ACAP2: variants seen among roughly 807,000 people sequenced by gnomAD.
ACAP2 encodes the protein arf-GAP with coiled-coil, ANK repeat and PH domain-containing protein 2.
A neutral mutation model predicts 115.8 loss-of-function variants in ACAP2; 39 were observed. The ratio of observed to expected loss-of-function variants is 0.34; its 90% CI spans 0.26 to 0.44. ACAP2 has a LOEUF of 0.44. Ranked by LOEUF, ACAP2 falls within the 20% of genes least tolerant of loss-of-function variation. The pLI is 1.00. For synonymous variants in ACAP2, 289 were observed against 315.8 expected (o/e 0.92, Z 0.90); for missense variants, 662 against 927.6 (o/e 0.71, Z 3.72).
At position 195,423,751 on chromosome 3, in the gene ACAP2, T is replaced by C. The variant is rs1225527487; in HGVS notation, c.53+19044A>G. Among the ~76,000 whole-genome samples the C allele has an allele frequency of 1.4e-4, 21 of 152,032 alleles. No homozygotes were observed. In the East Asian group the frequency reaches 3.1e-3, roughly 22 times the overall value. On this transcript the variant is annotated intron_variant, in intron 1 of 22. Transcript: ENST00000326793. ...TAAACAATATGTAAATAAATAAGCATGGCTATATTCCAATAAAACTTTATT... is the reference window on the plus strand; with the variant it reads ...TAAACAATATGTAAATAAATAAGCACGGCTATATTCCAATAAAACTTTATT...
At chr3:195,390,485 CTATT>C (rs1306753672) in intron 2 of ACAP2, among the ~76,000 whole-genome samples, 3 of 152,224 alleles carry the variant, frequency 2.0e-5, no homozygotes, top group Admixed American at 1.3e-4. Flanking sequence ...AGTTTCTAGA[CTATT>C]TATATTATAT....
intron 4 of ACAP2, among the ~76,000 whole-genome samples, chr3:195,368,499 C>G (rs2108719883): frequency 1.3e-5 from 2 of 152,244 alleles, no homozygotes; most frequent in Middle Eastern, 3.4e-3. Context: ...TATATTAATT[C>G]TTCCTCCTGC....
intron 1 of ACAP2, among the ~76,000 whole-genome samples, chr3:195,418,389 C>G (rs823312): frequency 0.17 from 25,797 of 152,094 alleles, 2,429 homozygotes; most frequent in Admixed American, 0.28. Flanking sequence ...ACCATTAAAG[C>G]TGCAAAACCT....
chr3:195,424,229 TGTGTGTGTGTGTGTG>T (rs1424960517), intron 1 of ACAP2, among the ~76,000 whole-genome samples: 3 of 115,306 alleles, frequency 2.6e-5, no homozygotes, highest in African/African-American at 7.0e-5. Flanking sequence ...GTCATATGTG[TGTGTGTGTGTGTGTG>T]GTGTGTGTGT....
At chr3:195,347,076 T>A (rs762364252) in intron 4 of ACAP2, among the ~76,000 whole-genome samples, 1 of 151,976 alleles carries the variant, frequency 6.6e-6, no homozygotes, top group Non-Finnish European at 1.5e-5. Context: ...TCAAAACCCA[T>A]GAAGTTATAT....
chr3:195,409,861 G>A (rs1178604134), intron 1 of ACAP2, among the ~76,000 whole-genome samples: 2 of 112,300 alleles, frequency 1.8e-5, no homozygotes, highest in African/African-American at 6.9e-5. Context: ...GGGTAACAGA[G>A]TGAGTGAGAC....
chr3:195,288,028 G>A (rs1726961380), intron 21 of ACAP2, among the ~76,000 whole-genome samples: 2 of 152,070 alleles, frequency 1.3e-5, no homozygotes, highest in Non-Finnish European at 2.9e-5. Context: ...TTGAACCCGG[G>A]AGGCAGAGGT....
intron 10 of ACAP2, among the ~76,000 whole-genome samples, chr3:195,317,330 ATTTAC>A (rs896950638): frequency 5.8e-4 from 89 of 152,352 alleles, no homozygotes; most frequent in Admixed American, 4.3e-3. Flanking sequence ...AGGAAATTAT[ATTTAC>A]TTTACTAATG....
intron 1 of ACAP2, among the ~76,000 whole-genome samples, chr3:195,420,788 A>ATC: frequency 6.6e-6 from 1 of 151,982 alleles, no homozygotes; most frequent in Non-Finnish European, 1.5e-5. Flanking sequence ...GATTACGGGC[A>ATC]CGAGCCACCA....
At chr3:195,323,652 G>A (rs1729590959) in intron 9 of ACAP2, among the ~76,000 whole-genome samples, 1 of 152,132 alleles carries the variant, frequency 6.6e-6, no homozygotes, top group Non-Finnish European at 1.5e-5. Context: ...TGCCGGCCAG[G>A]AACAGAATGA....
intron 1 of ACAP2, among the ~76,000 whole-genome samples, chr3:195,432,969 T>C (rs937312587): frequency 2.0e-5 from 3 of 152,210 alleles, no homozygotes; most frequent in African/African-American, 7.2e-5. Flanking sequence ...TTTTGTACAT[T>C]GATCTTATAG....
At chr3:195,390,410 A>T (rs1734590587) in intron 2 of ACAP2, among the ~76,000 whole-genome samples, 1 of 152,182 alleles carries the variant, frequency 6.6e-6, no homozygotes, top group African/African-American at 2.4e-5. Context: ...ACTATACAAA[A>T]ATAACTTATC....
chr3:195,358,307 A>G (rs1486078977), intron 4 of ACAP2, among the ~76,000 whole-genome samples: 1 of 152,202 alleles, frequency 6.6e-6, no homozygotes, highest in Non-Finnish European at 1.5e-5. Context: ...TAAATATCTA[A>G]TTCTTCAATG....
At chr3:195,341,473 C>T (rs1046244225) in intron 6 of ACAP2, among the ~76,000 whole-genome samples, 2 of 151,862 alleles carry the variant, frequency 1.3e-5, no homozygotes, top group Admixed American at 6.6e-5. Flanking sequence ...TGCAGGCGCC[C>T]GCCACCACGC....
At chr3:195,299,537 C>T (rs1367849002) in intron 15 of ACAP2, among the ~76,000 whole-genome samples, 14 of 139,904 alleles carry the variant, frequency 1.0e-4, no homozygotes, top group South Asian at 4.5e-4. Flanking sequence ...AGTGAGACTC[C>T]GTCTCAAAAA....
chr3:195,420,016 A>C (rs907171670), intron 1 of ACAP2, among the ~76,000 whole-genome samples: 4 of 152,222 alleles, frequency 2.6e-5, no homozygotes, highest in Non-Finnish European at 5.9e-5. Context: ...AAACTTTAAA[A>C]TGCTGACTGA....
At chr3:195,369,782 G>C (rs1346041740) in intron 4 of ACAP2, among the ~76,000 whole-genome samples, 1 of 152,160 alleles carries the variant, frequency 6.6e-6, no homozygotes, top group Non-Finnish European at 1.5e-5. Flanking sequence ...CTTGTAATGG[G>C]ATTGCTGGGT....
At chr3:195,337,729 G>A (rs535277654) in intron 6 of ACAP2, among the ~76,000 whole-genome samples, 94 of 152,278 alleles carry the variant, frequency 6.2e-4, no homozygotes, top group African/African-American at 2.2e-3. Flanking sequence ...CTACAGGCGT[G>A]AGCCACTGCG....
At chr3:195,310,454 A>C (rs972955056) in intron 10 of ACAP2, among the ~76,000 whole-genome samples, 1 of 152,220 alleles carries the variant, frequency 6.6e-6, no homozygotes, top group Non-Finnish European at 1.5e-5. Context: ...ACATGGGATG[A>C]CATGCAATGG....
Sources: allele counts gnomAD v4.1 joint callset (sites outside exome capture counted in the v4.1 genomes callset), GRCh38; gene constraint gnomAD v4.1.1; transcripts MANE v1.5; gene names NCBI Gene and HGNC (gene_info 2026-07-23, HGNC 2026-07-21).